Variants in RCAN2 observed in about 807,000 individuals in gnomAD.
The protein encoded by RCAN2 is calcipressin-2.
A neutral mutation model predicts 23.6 loss-of-function variants in RCAN2; 9 were observed. That is an observed-to-expected ratio of 0.38 (90% CI 0.23 to 0.67). The LOEUF is 0.67. RCAN2 is among the 30% of genes least tolerant of loss of function. The probability of loss-of-function intolerance (pLI) is 0.51; values close to 1 mark genes in which losing one functional copy is unlikely to be tolerated. For missense variants in RCAN2, 273 were observed against 302.3 expected, an observed-to-expected ratio of 0.90 and a Z score of 0.72; for synonymous variants, 109 against 115.7, an observed-to-expected ratio of 0.94 and a Z score of 0.37.
At chr6:46,476,656 T>C (rs1294324001) in intron 1 of RCAN2, among the ~76,000 whole-genome samples, 1 of 152,212 alleles carries the variant, frequency 6.6e-6, no homozygotes, top group Non-Finnish European at 1.5e-5. Context: ...ATTTCCTAAA[T>C]GATTAGAGTG....
chr6:46,468,171 A>T (rs1241439893), intron 1 of RCAN2, among the ~76,000 whole-genome samples: 2 of 152,220 alleles, frequency 1.3e-5, no homozygotes, highest in Non-Finnish European at 2.9e-5. Flanking sequence ...TGCCAATTAT[A>T]CCTTTACTTA....
intron 2 of RCAN2, among the ~76,000 whole-genome samples, chr6:46,415,281 C>T (rs1766676636): frequency 6.6e-6 from 1 of 152,054 alleles, no homozygotes. Context: ...AATCAAGACG[C>T]TTAAAATCAG....
chr6:46,354,700 C>T (rs1360378046), intron 2 of RCAN2, among the ~76,000 whole-genome samples: 1 of 152,230 alleles, frequency 6.6e-6, no homozygotes, highest in Non-Finnish European at 1.5e-5. Context: ...GATCTTGCCA[C>T]CCAATGTTTA....
upstream of RCAN2, among the ~76,000 whole-genome samples, chr6:46,491,641 C>T: frequency 1.3e-5 from 2 of 152,144 alleles, no homozygotes. Flanking sequence ...GGGCTCTCAC[C>T]CTGCCCTCAG....
At chr6:46,487,855 A>T (rs1040185049) in intron 1 of RCAN2, among the ~76,000 whole-genome samples, 5 of 152,230 alleles carry the variant, frequency 3.3e-5, no homozygotes, top group Non-Finnish European at 5.9e-5. Flanking sequence ...AAGTGACCAG[A>T]CAGGTACGAC....
chr6:46,489,562 G>GT (rs1561925766), intron 1 of RCAN2, among the ~76,000 whole-genome samples: 1 of 152,236 alleles, frequency 6.6e-6, no homozygotes, highest in Non-Finnish European at 1.5e-5. Context: ...TACACAAGTG[G>GT]TTTTTAACAC....
intron 2 of RCAN2, among the ~76,000 whole-genome samples, chr6:46,425,896 C>CTTTTTTT (rs1049166361): frequency 7.1e-5 from 9 of 126,692 alleles, no homozygotes; most frequent in Non-Finnish European, 1.0e-4. Flanking sequence ...TTCTTTCTTT[C>CTTTTTTT]TTTTTTTTTT....
chr6:46,455,547 T>C (rs779361118), intron 2 of RCAN2, among the ~76,000 whole-genome samples: 1 of 151,760 alleles, frequency 6.6e-6, no homozygotes, highest in Non-Finnish European at 1.5e-5. Flanking sequence ...CAGAGTCATA[T>C]ACTTTAGTTT....
chr6:46,277,875 G>A (rs1460008145), intron 2 of RCAN2, among the ~76,000 whole-genome samples: 1 of 152,068 alleles, frequency 6.6e-6, no homozygotes, highest in African/African-American at 2.4e-5. Flanking sequence ...TGCATTCTCC[G>A]AGACAAAGTA....
At chr6:46,366,407 G>T (rs1765173250) in intron 2 of RCAN2, among the ~76,000 whole-genome samples, 1 of 152,050 alleles carries the variant, frequency 6.6e-6, no homozygotes, top group African/African-American at 2.4e-5. Context: ...AAATTCCAAA[G>T]ATCACTGGCC....
At chr6:46,341,310 TC>T (rs1360881868) in intron 2 of RCAN2, among the ~76,000 whole-genome samples, 1 of 152,144 alleles carries the variant, frequency 6.6e-6, no homozygotes, top group Non-Finnish European at 1.5e-5. Flanking sequence ...GGGGGTCAAA[TC>T]TTTTGGCTTC....
At chr6:46,357,960 AC>A (rs923652549) in intron 2 of RCAN2, among the ~76,000 whole-genome samples, 5 of 152,336 alleles carry the variant, frequency 3.3e-5, no homozygotes, top group Middle Eastern at 3.4e-3. Flanking sequence ...CCTTTCCCTC[AC>A]CAGAGGATAC....
intron 2 of RCAN2, among the ~76,000 whole-genome samples, chr6:46,284,327 TG>T (rs1188114312): frequency 1.3e-5 from 2 of 152,002 alleles, no homozygotes; most frequent in Non-Finnish European, 2.9e-5. Flanking sequence ...TCCAGGGATG[TG>T]GGGGTGTAAT....
chr6:46,426,500 A>G (rs1767036377), intron 2 of RCAN2, among the ~76,000 whole-genome samples: 1 of 152,198 alleles, frequency 6.6e-6, no homozygotes, highest in Admixed American at 6.5e-5. Context: ...ACTTTAATTA[A>G]TCTGCATGGG....
chr6:46,330,537 T>A (rs902553983), intron 2 of RCAN2, among the ~76,000 whole-genome samples: 17 of 152,332 alleles, frequency 1.1e-4, no homozygotes, highest in African/African-American at 3.4e-4. Context: ...CAAGAATATT[T>A]CCTTAGTATC....
Position 46,339,087 on chromosome 6 carries a change from C to G in RCAN2, c.226-90191G>C, listed in dbSNP as rs1450918759. On this transcript the variant is annotated intron_variant, in intron 2 of 4. Coordinates refer to ENST00000371374, the MANE Select transcript of RCAN2 (RefSeq NM_001251974.2). ...ATGATGATATCAACCCACTATCAGT[C>G]CATCCATCCACCACCCACCCATCCA... Among the ~76,000 whole-genome samples the G allele has an allele frequency of 2.0e-5, 3 of 149,692 alleles. No homozygotes were observed. The East Asian group carries it at 6.0e-4, about 30-fold the overall frequency.
chr6:46,322,267 A>T, intron 2 of RCAN2, among the ~76,000 whole-genome samples: 1 of 152,234 alleles, frequency 6.6e-6, no homozygotes, highest in East Asian at 1.9e-4. Flanking sequence ...CAGTTCCCCT[A>T]TAGCATTTTC....
At chr6:46,453,520 G>A (rs962945600) in intron 2 of RCAN2, among the ~76,000 whole-genome samples, 3 of 152,204 alleles carry the variant, frequency 2.0e-5, no homozygotes, top group African/African-American at 7.2e-5. Context: ...TGCTTTAGGT[G>A]TCAGAACTTA....
intron 1 of RCAN2, among the ~76,000 whole-genome samples, chr6:46,464,083 G>A (rs947388294): frequency 6.6e-6 from 1 of 152,152 alleles, no homozygotes; most frequent in African/African-American, 2.4e-5. Flanking sequence ...TGAATTATGG[G>A]AGATTTGTTA....
Sources: allele counts gnomAD v4.1 joint callset (sites outside exome capture counted in the v4.1 genomes callset), GRCh38; gene constraint gnomAD v4.1.1; transcripts MANE v1.5; gene names NCBI Gene and HGNC (gene_info 2026-07-23, HGNC 2026-07-21).